ASPRV1: variants seen among roughly 807,000 people sequenced by gnomAD.
ASPRV1 encodes the protein retroviral-like aspartic protease 1.
ASPRV1 carries 7 observed loss-of-function variants against 11.0 expected under a neutral mutation model. The observed-to-expected ratio is 0.64, with a 90% CI of 0.36 to 1.20. The LOEUF (loss-of-function observed/expected upper bound fraction) is 1.20, where lower values mean the gene tolerates loss of function less well. Ranked by LOEUF, ASPRV1 falls within the 50% of genes most tolerant of loss-of-function variation. The probability of loss-of-function intolerance (pLI) is 0.02; values close to 1 mark genes in which losing one functional copy is unlikely to be tolerated. For synonymous variants in ASPRV1, 136 were observed against 138.4 expected, an observed-to-expected ratio of 0.98 and a Z score of 0.12; for missense variants, 299 against 320.0, an observed-to-expected ratio of 0.93 and a Z score of 0.50.
At chr2:69,987,468 C>T in the ASPRV1 span, among the ~76,000 whole-genome samples, 5 of 150,480 alleles carry the variant, frequency 3.3e-5, no homozygotes, top group South Asian at 6.3e-4. Context: ...AAAATCAGTT[C>T]GGGGTGGTGG....
the ASPRV1 span, among the ~76,000 whole-genome samples, chr2:69,974,847 G>A: frequency 6.6e-6 from 1 of 152,224 alleles, no homozygotes; most frequent in Non-Finnish European, 1.5e-5. Flanking sequence ...TGGGTGAAGA[G>A]TCCCTGGGCT....
chr2:70,006,993 T>G, the ASPRV1 span, among the ~76,000 whole-genome samples: 110 of 152,310 alleles, frequency 7.2e-4, no homozygotes, highest in African/African-American at 2.4e-3. Context: ...GGGAAAGTTA[T>G]TGACCTCTTT....
the ASPRV1 span, among the ~76,000 whole-genome samples, chr2:69,935,117 A>G: frequency 2.0e-5 from 3 of 152,208 alleles, no homozygotes; most frequent in Non-Finnish European, 4.4e-5. Context: ...ATTATTCCCT[A>G]CCCCAGCACT....
chr2:70,084,937 T>C, the ASPRV1 span, among the ~76,000 whole-genome samples: 11 of 152,330 alleles, frequency 7.2e-5, no homozygotes, highest in African/African-American at 2.6e-4. Context: ...GATAGTAACA[T>C]AAGTTAAAGG....
chr2:70,044,381 G>A, the ASPRV1 span, among the ~76,000 whole-genome samples: 2 of 152,112 alleles, frequency 1.3e-5, no homozygotes, highest in Admixed American at 1.3e-4. Flanking sequence ...GCTAGCCCAG[G>A]GGCCAGGATC....
chr2:70,085,018 T>G, the ASPRV1 span, among the ~76,000 whole-genome samples: 1 of 152,242 alleles, frequency 6.6e-6, no homozygotes, highest in Non-Finnish European at 1.5e-5. Context: ...AGTTTGTTGC[T>G]TGGCCCACTA....
chr2:70,065,010 G>T, the ASPRV1 span, among the ~76,000 whole-genome samples: 3 of 151,974 alleles, frequency 2.0e-5, no homozygotes, highest in Non-Finnish European at 4.4e-5. Flanking sequence ...CACAAGAATC[G>T]CTTGAACCCA....
the ASPRV1 span, among the ~76,000 whole-genome samples, chr2:70,072,927 T>C: frequency 7.0e-6 from 1 of 143,430 alleles, no homozygotes; most frequent in South Asian, 2.2e-4. Flanking sequence ...CAGCCGGGCA[T>C]GGTGGCATGT....
the ASPRV1 span, among the ~76,000 whole-genome samples, chr2:70,020,063 A>C: frequency 6.6e-6 from 1 of 152,158 alleles, no homozygotes; most frequent in Non-Finnish European, 1.5e-5. Context: ...TACTTGTCAA[A>C]ACACACATTT....
chr2:70,076,157 G>T, the ASPRV1 span, among the ~76,000 whole-genome samples: 1 of 152,280 alleles, frequency 6.6e-6, no homozygotes, highest in South Asian at 2.1e-4. Flanking sequence ...CACAATGAAG[G>T]TTAGGTAAGT....
chr2:70,008,635 GTGTT>G, the ASPRV1 span, among the ~76,000 whole-genome samples: 1 of 151,060 alleles, frequency 6.6e-6, no homozygotes, highest in East Asian at 1.9e-4. Context: ...ATGTTTTTGT[GTGTT>G]TTTTTTTTTT....
chr2:70,052,353 CAATCAAGTGA>C, the ASPRV1 span, among the ~76,000 whole-genome samples: 15 of 152,076 alleles, frequency 9.9e-5, no homozygotes, highest in Non-Finnish European at 1.5e-5. Flanking sequence ...AAAATGTCCT[CAATCAAGTGA>C]AATCAAGTGA....
chr2:69,943,588 G>T, the ASPRV1 span, among the ~76,000 whole-genome samples: 4 of 152,190 alleles, frequency 2.6e-5, no homozygotes, highest in East Asian at 7.7e-4. Context: ...AGAGGCATTG[G>T]CTGAGGATGT....
chr2:69,966,891 G>A, the ASPRV1 span, among the ~76,000 whole-genome samples: 3 of 152,134 alleles, frequency 2.0e-5, no homozygotes, highest in Non-Finnish European at 4.4e-5. Flanking sequence ...ACAGAGAGGG[G>A]GTACCTTCCC....
chr2:70,025,682 G>A, the ASPRV1 span, among the ~76,000 whole-genome samples: 8 of 152,240 alleles, frequency 5.3e-5, no homozygotes, highest in African/African-American at 1.9e-4. Flanking sequence ...CTTGCTCAAA[G>A]CCTGGAAGGT....
At chr2:70,021,697 G>A in the ASPRV1 span, among the ~76,000 whole-genome samples, 1 of 149,298 alleles carries the variant, frequency 6.7e-6, no homozygotes, top group Non-Finnish European at 1.5e-5. Context: ...TTTAAAATAC[G>A]TTAAGAGAAT....
the ASPRV1 span, among the ~76,000 whole-genome samples, chr2:70,039,299 T>A: frequency 6.6e-6 from 1 of 152,198 alleles, no homozygotes; most frequent in African/African-American, 2.4e-5. Context: ...TACATCTGTA[T>A]CATTGTGGAT....
the ASPRV1 span, among the ~76,000 whole-genome samples, chr2:70,067,002 A>G: frequency 6.6e-6 from 1 of 152,222 alleles, no homozygotes; most frequent in Non-Finnish European, 1.5e-5. Flanking sequence ...ATATAAACTA[A>G]GATGATGATA....
chr2:69,978,276 G>T, the ASPRV1 span, among the ~76,000 whole-genome samples: 2 of 152,192 alleles, frequency 1.3e-5, no homozygotes, highest in Admixed American at 6.5e-5. Flanking sequence ...GCCTCCAGGG[G>T]AGTCTCCTTG....
Sources: gnomAD v4.1 joint callset for allele counts (sites outside exome capture counted in the v4.1 genomes callset) on GRCh38, gnomAD v4.1.1 for gene constraint, MANE v1.5 for transcripts, NCBI Gene and HGNC (gene_info 2026-07-23, HGNC 2026-07-21) for gene names.